Variants in USP40 observed in about 807,000 individuals in gnomAD.
USP40 encodes ubiquitin carboxyl-terminal hydrolase 40.
Under a neutral mutation model 166.2 loss-of-function variants are expected in USP40, and 143 were observed. The observed-to-expected ratio is 0.86, with a 90% confidence interval of 0.75 to 0.99. USP40 has a LOEUF of 0.99. Among genes scored for constraint, USP40 ranks in the 50% least tolerant of loss-of-function variants. The pLI, the probability that USP40 is intolerant of heterozygous loss-of-function variation, is 0.00. For missense variants in USP40, 1,444 were observed against 1,479.7 expected (o/e 0.98, Z 0.40); for synonymous variants, 498 against 524.0 (o/e 0.95, Z 0.68).
intron 7 of USP40, 97 bp from the exon 8 acceptor site, chr2:233,549,326 A>C: frequency 1.3e-6 from 1 of 783,662 alleles, no homozygotes; most frequent in Non-Finnish European, 1.9e-6. Context: ...ATTAATAAGA[A>C]ACTTCACTGT....
At chr2:233,506,808 G>C (rs2066449923) in intron 21 of USP40, among the ~76,000 whole-genome samples, 1 of 150,974 alleles carries the variant, frequency 6.6e-6, no homozygotes, top group Non-Finnish European at 1.5e-5. Flanking sequence ...CTACTTCGGA[G>C]GCTGAGATGG....
intron 8 of USP40, chr2:233,542,677 CA>C (rs35086519): frequency 0.017 from 2,560 of 150,330 alleles, no homozygotes; most frequent in Middle Eastern, 0.05. Context: ...AAGACGTTGT[CA>C]AAAAAAAAAA....
At chr2:233,551,191 G>A (rs1190707271) in intron 7 of USP40, among the ~76,000 whole-genome samples, 185 bp downstream of exon 7, 1 of 152,190 alleles carries the variant, frequency 6.6e-6, no homozygotes, top group Non-Finnish European at 1.5e-5. Context: ...TAGGTAGAGG[G>A]CAGGGATGCT....
intron 20 of USP40, among the ~76,000 whole-genome samples, chr2:233,511,258 A>C (rs538321508): frequency 6.6e-6 from 1 of 152,220 alleles, no homozygotes; most frequent in Non-Finnish European, 1.5e-5. Flanking sequence ...TAGTGCAGAG[A>C]GTAATTAAGT....
intron 8 of USP40, among the ~76,000 whole-genome samples, chr2:233,544,600 C>T (rs1456412487): frequency 6.6e-6 from 1 of 152,068 alleles, no homozygotes; most frequent in Admixed American, 6.6e-5. Context: ...GGAAAGGGGC[C>T]CATTATGAAT....
chr2:233,522,055 A>C (rs1438470229), intron 16 of USP40, among the ~76,000 whole-genome samples: 1 of 152,124 alleles, frequency 6.6e-6, no homozygotes, highest in Non-Finnish European at 1.5e-5. Flanking sequence ...ACTACAGCCT[A>C]CTGACTTGCC....
chr2:233,549,063 A>C lies in USP40; in HGVS notation c.966+38T>G, dbSNP rs1177234047. 2.6e-6 allele frequency: 4 copies of C among 1,558,398 alleles called. No homozygotes were observed. In the Admixed American group the frequency reaches 8.0e-5, roughly 31 times the overall value. On this transcript the variant is annotated intron_variant, in intron 8 of 31. Transcript: ENST00000678225. Reference sequence around the variant, plus strand: ...AACAAAATAATAGGAATAGAAAAGAAATTGCAAAGATATTTCTAAACGAAT... The same window carrying C: ...AACAAAATAATAGGAATAGAAAAGACATTGCAAAGATATTTCTAAACGAAT...
chr2:233,519,705 T>C (rs2067519608), intron 17 of USP40, 34 bp from the exon 18 acceptor site: 1 of 1,216,292 alleles, frequency 8.2e-7, no homozygotes. Flanking sequence ...GACTAAGTTG[T>C]AAAAAATGGG....
intron 2 of USP40, among the ~76,000 whole-genome samples, 154 bp downstream of exon 2, chr2:233,565,202 G>A (rs190354582): frequency 4.1e-4 from 62 of 152,238 alleles, no homozygotes; most frequent in African/African-American, 1.3e-3. Context: ...TCTCTGCAGA[G>A]GGAATTACCA....
chr2:233,566,545 G>T, intron 1 of USP40, 139 bp downstream of exon 1: 1 of 400,512 alleles, frequency 2.5e-6, no homozygotes, highest in Non-Finnish European at 3.4e-6. Context: ...CGAAACCACT[G>T]CCCCGACTCC....
intron 25 of USP40, among the ~76,000 whole-genome samples, chr2:233,491,904 T>C (rs537305927): frequency 1.3e-5 from 2 of 152,354 alleles, no homozygotes; most frequent in Admixed American, 6.5e-5. Context: ...TATTTTTGCC[T>C]TAACTGTCTT....
At chr2:233,479,538 G>A (rs2064407934) in intron 31 of USP40, among the ~76,000 whole-genome samples, 1 of 150,550 alleles carries the variant, frequency 6.6e-6, no homozygotes, top group African/African-American at 2.5e-5. Flanking sequence ...ACTCCAGCCT[G>A]GCGACAAGGT....
At chr2:233,552,645 C>A (rs2070682957) in intron 6 of USP40, among the ~76,000 whole-genome samples, 1 of 152,202 alleles carries the variant, frequency 6.6e-6, no homozygotes, top group South Asian at 2.1e-4. Context: ...AATAAATAAG[C>A]AAATGATAAA....
chr2:233,551,535 T>C lies in USP40; in HGVS notation c.694-16A>G. The C allele has an allele frequency of 6.4e-7, 1 of 1,564,998 alleles. No homozygotes were observed. The highest frequency in any genetic ancestry group is 8.6e-7 in the Non-Finnish European group (1 of 1,159,258). The stretch of plus-strand genomic sequence containing the variant: ...ATTTGGCCGACTGTTAAAAGAAAAA[T>C]TTACAAAGCTTTTTAAAAACAGGGT... On this transcript the variant is annotated splice_polypyrimidine_tract_variant and intron_variant, in intron 6 of 31. Transcript: ENST00000678225.
At chr2:233,548,018 G>GA (rs1394420854) in intron 8 of USP40, among the ~76,000 whole-genome samples, 30 of 151,810 alleles carry the variant, frequency 2.0e-4, no homozygotes, top group Admixed American at 2.0e-3. Flanking sequence ...CCCAGGAATA[G>GA]AAAAAAATGA....
intron 3 of USP40, 29 bp downstream of exon 3, chr2:233,562,707 A>G (rs912116895): frequency 5.6e-6 from 8 of 1,426,270 alleles, no homozygotes; most frequent in Non-Finnish European, 7.4e-6. Context: ...CTAAAACTTA[A>G]AGTATAATAA....
chr2:233,484,242 T>C (rs1290545382), intron 30 of USP40, among the ~76,000 whole-genome samples: 2 of 152,208 alleles, frequency 1.3e-5, no homozygotes, highest in Admixed American at 6.5e-5. Context: ...TTTAATCTAA[T>C]CTATATGGAT....
Position 233,510,099 on chromosome 2 carries a change from G to T in USP40, c.2563C>A (p.Pro855Thr). The T allele has an allele frequency of 6.2e-7, 1 of 1,604,676 alleles. No homozygotes were observed. Among genetic ancestry groups the T allele is most frequent in the African/African-American group, 1.3e-5 (1 of 74,780 alleles). The change falls in exon 21 of 32, where the codon CCT (proline) becomes ACT (threonine). Residue 855 changes from proline to threonine, a missense_variant. By Grantham distance (38) the Pro-to-Thr change is conservative. Transcript: ENST00000678225. ...LFFAMGSDVQPGTEMEIVVEE... is the reference protein window; with the variant it reads ...LFFAMGSDVQTGTEMEIVVEE... The stretch of plus-strand genomic sequence containing the variant: ...ACTACGATTTCCATTTCTGTCCCAG[G>T]TTGAACGTCACTCCCCATTGCAAAA...
At chr2:233,529,726 T>C (rs1418997062) in intron 11 of USP40, among the ~76,000 whole-genome samples, 1 of 151,660 alleles carries the variant, frequency 6.6e-6, no homozygotes, top group East Asian at 1.9e-4. Flanking sequence ...TAAGACAAGC[T>C]AGAAGAATTC....
Sources: allele counts gnomAD v4.1 joint callset (sites outside exome capture counted in the v4.1 genomes callset), GRCh38; gene constraint gnomAD v4.1.1; transcripts MANE v1.5; gene names NCBI Gene and HGNC (gene_info 2026-07-23, HGNC 2026-07-21).